Variants in FRAS1 observed in about 807,000 individuals in gnomAD.
FRAS1 encodes extracellular matrix organizing protein FRAS1.
In FRAS1, 290 loss-of-function variants were observed where a neutral mutation model predicts 435.2. The observed-to-expected ratio is 0.67, with a 90% CI of 0.61 to 0.73. The LOEUF (loss-of-function observed/expected upper bound fraction) is 0.73, where lower values mean the gene tolerates loss of function less well. Among genes scored for constraint, FRAS1 ranks in the 30% least tolerant of loss-of-function variants. FRAS1 has a pLI of 0.00. For synonymous variants in FRAS1, 1,800 were observed against 1,851.0 expected (o/e 0.97, Z 0.71); for missense variants, 4,860 against 5,001.5 (o/e 0.97, Z 0.85).
intron 2 of FRAS1, among the ~76,000 whole-genome samples, chr4:78,180,093 A>T (rs1362689687): frequency 6.6e-6 from 1 of 152,208 alleles, no homozygotes; most frequent in Non-Finnish European, 1.5e-5. Context: ...TACACAGGTA[A>T]ACATTCATTC....
chr4:78,196,560 C>T (rs1225893740), intron 2 of FRAS1, among the ~76,000 whole-genome samples: 1 of 151,472 alleles, frequency 6.6e-6, no homozygotes, highest in East Asian at 1.9e-4. Flanking sequence ...TTTTATTCTT[C>T]ATCTTGTTGT....
At chr4:78,474,532 T>C (rs751793661) in intron 53 of FRAS1, among the ~76,000 whole-genome samples, 1 of 152,248 alleles carries the variant, frequency 6.6e-6, no homozygotes, top group Admixed American at 6.5e-5. Context: ...CTTTTACATA[T>C]GTAATGTTTT....
chr4:78,453,487 CAA>C (rs1037207397), intron 47 of FRAS1, among the ~76,000 whole-genome samples: 1 of 152,092 alleles, frequency 6.6e-6, no homozygotes, highest in African/African-American at 2.4e-5. Flanking sequence ...ATGTGAGTGA[CAA>C]GAGATATTTG....
At chr4:78,476,340 A>G (rs997989600) in intron 54 of FRAS1, among the ~76,000 whole-genome samples, 4 of 152,214 alleles carry the variant, frequency 2.6e-5, no homozygotes, top group African/African-American at 9.7e-5. Context: ...AAAGGTGGCA[A>G]TGAGAAAGAA....
chr4:78,539,577 T>C (rs554100745), intron 73 of FRAS1, 137 bp downstream of exon 73: 102 of 894,288 alleles, frequency 1.1e-4, no homozygotes, highest in Non-Finnish European at 1.7e-4. Flanking sequence ...TCTTTTCTTA[T>C]TGTTAAGCTT....
rs574440246 is a variant in FRAS1, at chr4:78,342,843, A to C, written c.2422+5026A>C. On this transcript the variant is annotated intron_variant, in intron 20 of 73. Transcript: ENST00000512123. ...ATATTGCAGAGGGGAAGACCTGAAA[A>C]ATTAAAATAGTTTTTTTTGGGTAGT... Among the ~76,000 whole-genome samples the C allele has an allele frequency of 3.3e-5, 5 of 152,334 alleles. No individual in the cohort carries two copies. The South Asian group carries it at 1.0e-3, about 32-fold the overall frequency.
At chr4:78,165,524 A>G (rs896347621) in intron 2 of FRAS1, among the ~76,000 whole-genome samples, 12 of 152,200 alleles carry the variant, frequency 7.9e-5, no homozygotes, top group Admixed American at 1.3e-4. Flanking sequence ...GGGCTGAGAT[A>G]GATAACAATT....
At position 78,136,917 on chromosome 4, in the gene FRAS1, G is replaced by A. The variant is rs147642375; in HGVS notation, c.108+70901G>A. The stretch of plus-strand genomic sequence containing the variant: ...GGCATACCTACTGTGCGCCAGCACC[G>A]TGCTCGGTTTTGGGATACAGGGGTG... On this transcript the variant is annotated intron_variant, in intron 2 of 73. Transcript: ENST00000512123. Among the ~76,000 whole-genome samples, 39 of 152,314 alleles carry A rather than the reference G, an allele frequency of 2.6e-4. No individual in the cohort carries two copies. In the East Asian group the frequency reaches 6.7e-3, roughly 26 times the overall value.
chr4:78,466,142 C>A, intron 49 of FRAS1, 66 bp from the exon 50 acceptor site: 2 of 1,305,588 alleles, frequency 1.5e-6, no homozygotes, highest in Non-Finnish European at 2.2e-6. Flanking sequence ...AGCAATTGGG[C>A]ATCACTCACT....
intron 2 of FRAS1, among the ~76,000 whole-genome samples, chr4:78,180,287 T>C (rs1178796440): frequency 6.6e-6 from 1 of 151,986 alleles, no homozygotes; most frequent in Non-Finnish European, 1.5e-5. Flanking sequence ...ACAGCTATCA[T>C]GAGAAGTGAA....
chr4:78,437,053 C>G (rs1734459016), intron 38 of FRAS1, among the ~76,000 whole-genome samples: 1 of 152,186 alleles, frequency 6.6e-6, no homozygotes, highest in Non-Finnish European at 1.5e-5. Flanking sequence ...CCTCCAGTAT[C>G]TGGGATATCT....
chr4:78,123,134 A>C (rs910950816), intron 2 of FRAS1, among the ~76,000 whole-genome samples: 1 of 152,132 alleles, frequency 6.6e-6, no homozygotes, highest in African/African-American at 2.4e-5. Context: ...TCTTTGATCC[A>C]TGTTCAGTTG....
At chr4:78,177,648 C>G (rs1192299169) in intron 2 of FRAS1, among the ~76,000 whole-genome samples, 1 of 152,188 alleles carries the variant, frequency 6.6e-6, no homozygotes, top group Non-Finnish European at 1.5e-5. Context: ...GGTCTGCCAG[C>G]TCTACTTGAG....
chr4:78,271,125 T>C (rs1040333154), intron 9 of FRAS1, among the ~76,000 whole-genome samples: 1 of 152,188 alleles, frequency 6.6e-6, no homozygotes, highest in African/African-American at 2.4e-5. Context: ...ATATTTGTCA[T>C]TAGTATAGTG....
At chr4:78,210,587 G>A (rs1320088) in intron 2 of FRAS1, among the ~76,000 whole-genome samples, 141,276 of 152,188 alleles carry the variant, frequency 0.93, 66,437 homozygotes, top group Non-Finnish European at 1. Context: ...CTCTGCCCCA[G>A]GCTTTTCATA....
At chr4:78,177,907 A>G (rs1481921736) in intron 2 of FRAS1, among the ~76,000 whole-genome samples, 1 of 152,174 alleles carries the variant, frequency 6.6e-6, no homozygotes, top group Admixed American at 6.5e-5. Flanking sequence ...TAGGATTTGT[A>G]TTAGTTTCCT....
In FRAS1 at chr4:78,093,896, T is replaced by A. The variant is rs188135640; in HGVS notation, c.108+27880T>A. On this transcript the variant is annotated intron_variant, in intron 2 of 73. Transcript: ENST00000512123. ...CAGCAATTTCAGAAGTTTGTTTTAA[T>A]AGATTCTATATTATGTTGTACTTAA... 2.6e-5 allele frequency among the ~76,000 whole-genome samples: 4 copies of A among 152,286 alleles called. No individual in the cohort carries two copies. In the East Asian group the frequency reaches 7.7e-4, roughly 29 times the overall value.
At chr4:78,254,984 G>A (rs947707770) in intron 5 of FRAS1, among the ~76,000 whole-genome samples, 1 of 152,154 alleles carries the variant, frequency 6.6e-6, no homozygotes, top group Non-Finnish European at 1.5e-5. Context: ...ATGGAGTGGA[G>A]GAGCTGGTAG....
chr4:78,084,213 C>G (rs929943199), intron 2 of FRAS1, among the ~76,000 whole-genome samples: 42 of 152,060 alleles, frequency 2.8e-4, no homozygotes, highest in Admixed American at 1.1e-3. Context: ...ATTCACATAA[C>G]TTTTATTACA....
Sources: gnomAD v4.1 joint callset for allele counts (sites outside exome capture counted in the v4.1 genomes callset) on GRCh38, gnomAD v4.1.1 for gene constraint, MANE v1.5 for transcripts, NCBI Gene and HGNC (gene_info 2026-07-23, HGNC 2026-07-21) for gene names.